TRPM6: variants seen among roughly 807,000 people sequenced by gnomAD.
The protein encoded by TRPM6 is transient receptor potential cation channel subfamily M member 6, also known as channel kinase 2.
Under a neutral mutation model 247.6 loss-of-function variants are expected in TRPM6, and 111 were observed. The ratio of observed to expected loss-of-function variants is 0.45; its 90% CI spans 0.38 to 0.52. The LOEUF (loss-of-function observed/expected upper bound fraction) is 0.52. Ranked by LOEUF, TRPM6 falls within the 20% of genes least tolerant of loss-of-function variation. TRPM6 has a pLI of 0.00. For synonymous variants in TRPM6, 892 were observed against 853.8 expected, an observed-to-expected ratio of 1.04 and a Z score of -0.78; for missense variants, 2,126 against 2,421.5, an observed-to-expected ratio of 0.88 and a Z score of 2.56.
chr9:74,778,498 G>A (rs189648387), intron 23 of TRPM6, among the ~76,000 whole-genome samples: 84 of 152,336 alleles, frequency 5.5e-4, no homozygotes, highest in Non-Finnish European at 1.0e-3. Context: ...ATAATAGGCA[G>A]GAGAGTTCTC....
chr9:74,724,043 T>G lies in TRPM6; in HGVS notation c.*570A>C, dbSNP rs1242054773. ...ACCCATCGAGATTTCACCAGTATAC[T>G]TGGTAGTTTGTGCAGGAATGTGCTC... On this transcript the variant is annotated 3_prime_UTR_variant, in exon 39 of 39. Coordinates refer to ENST00000360774, the MANE Select transcript of TRPM6 (RefSeq NM_017662.5). 2 of 154,260 alleles carry G rather than the reference T, an allele frequency of 1.3e-5. No homozygotes were observed. The highest frequency in any genetic ancestry group is 1.3e-4 in the Admixed American group (2 of 15,690). The allele number at this position is 154,260 out of a possible 1,614,324, so 9.6% of individuals were successfully genotyped here. A position where few individuals can be genotyped will look rare whatever the true frequency, so the allele number is the denominator to read the frequency against.
At chr9:74,737,795 C>T (rs1335381068) in intron 36 of TRPM6, among the ~76,000 whole-genome samples, 1 of 152,186 alleles carries the variant, frequency 6.6e-6, no homozygotes, top group East Asian at 1.9e-4. Context: ...ACGTTGACCT[C>T]AATACATATT....
chr9:74,885,904 A>C (rs1287370777), intron 1 of TRPM6, among the ~76,000 whole-genome samples: 1 of 152,170 alleles, frequency 6.6e-6, no homozygotes, highest in African/African-American at 2.4e-5. Flanking sequence ...ACTCTGTCTC[A>C]AAAAAATAAA....
chr9:74,885,573 A>G (rs1158918423), intron 1 of TRPM6, among the ~76,000 whole-genome samples: 1 of 152,262 alleles, frequency 6.6e-6, no homozygotes, highest in Non-Finnish European at 1.5e-5. Context: ...AAAAGGCACT[A>G]GTGAGACTCA....
At chr9:74,807,579 C>G (rs1177896991) in intron 14 of TRPM6, among the ~76,000 whole-genome samples, 1 of 152,178 alleles carries the variant, frequency 6.6e-6, no homozygotes, top group Non-Finnish European at 1.5e-5. Flanking sequence ...ATTCTACACG[C>G]ATCTTTCAAT....
intron 25 of TRPM6, among the ~76,000 whole-genome samples, chr9:74,765,375 AATAGTATC>A (rs949366278): frequency 6.6e-6 from 1 of 151,964 alleles, no homozygotes; most frequent in African/African-American, 2.4e-5. Flanking sequence ...CAGGATACAA[AATAGTATC>A]ATTTTAACTG....
intron 5 of TRPM6, among the ~76,000 whole-genome samples, chr9:74,839,040 G>C (rs1231003812): frequency 6.6e-6 from 1 of 151,486 alleles, no homozygotes; most frequent in African/African-American, 2.4e-5. Context: ...AACCTGGGAG[G>C]CGGAGATCGC....
intron 38 of TRPM6, among the ~76,000 whole-genome samples, chr9:74,726,794 G>A (rs1052720927): frequency 6.6e-6 from 1 of 152,164 alleles, no homozygotes; most frequent in African/African-American, 2.4e-5. Flanking sequence ...GACTCTGATC[G>A]TTGTCAGCTC....
chr9:74,751,788 C>A (rs1265318560), intron 29 of TRPM6, among the ~76,000 whole-genome samples: 2 of 152,144 alleles, frequency 1.3e-5, no homozygotes, highest in Non-Finnish European at 2.9e-5. Context: ...CTTGACTGAT[C>A]GCACTAGTGA....
At position 74,816,895 on chromosome 9, in the gene TRPM6, T is replaced by TAA. The variant is rs1382329894; in HGVS notation, c.1203_1204insTT (p.Lys402LeufsTer12). 1 of 1,614,124 alleles carries TAA rather than the reference T, an allele frequency of 6.2e-7. No individual in the cohort carries two copies. Among genetic ancestry groups the TAA allele is most frequent in the South Asian group, 1.1e-5 (1 of 91,072 alleles). ...GCAACCCCATCCAGATACTCACCCT[T>TAA]CAGCAAAGCTGTTAGGATTGCTAAG... On this transcript the variant is annotated frameshift_variant, in exon 10 of 39. Coordinates refer to ENST00000360774, the MANE Select transcript of TRPM6 (RefSeq NM_017662.5). LOFTEE classifies it high-confidence loss of function.
chr9:74,867,148 A>G (rs1190212650), intron 1 of TRPM6, among the ~76,000 whole-genome samples: 1 of 152,216 alleles, frequency 6.6e-6, no homozygotes, highest in African/African-American at 2.4e-5. Context: ...TCTGCCTCAC[A>G]GAGACATGTA....
At chr9:74,827,227 C>T (rs192626209) in intron 7 of TRPM6, 21 of 152,850 alleles carry the variant, frequency 1.4e-4, no homozygotes, top group African/African-American at 3.9e-4. Context: ...CTCTCTCCCT[C>T]CATCTATCCA....
intron 11 of TRPM6, among the ~76,000 whole-genome samples, chr9:74,813,659 CAA>C (rs1017783368): frequency 5.9e-5 from 9 of 152,094 alleles, no homozygotes; most frequent in African/African-American, 2.2e-4. Context: ...TCGGAATTTC[CAA>C]AGAGTTTTTT....
At chr9:74,742,013 G>A (rs549061340) in intron 33 of TRPM6, among the ~76,000 whole-genome samples, 63 of 152,190 alleles carry the variant, frequency 4.1e-4, no homozygotes, top group Non-Finnish European at 8.2e-4. Context: ...TTGCTATATT[G>A]TCAACTTGCT....
intron 1 of TRPM6, among the ~76,000 whole-genome samples, chr9:74,863,051 T>G (rs1337600447): frequency 6.6e-6 from 1 of 152,004 alleles, no homozygotes; most frequent in Non-Finnish European, 1.5e-5. Context: ...TTGTTTGGTT[T>G]TGTTTTGTTT....
intron 30 of TRPM6, 93 bp downstream of exon 30, chr9:74,750,571 C>T: frequency 1.8e-6 from 2 of 1,087,784 alleles, no homozygotes; most frequent in Non-Finnish European, 2.8e-6. Context: ...CTTCTTTTCT[C>T]TCCCTTTCTG....
intron 30 of TRPM6, 120 bp downstream of exon 30, chr9:74,750,544 T>C: frequency 2.2e-6 from 2 of 904,202 alleles, no homozygotes; most frequent in South Asian, 2.7e-5. Flanking sequence ...GAGAAAAGTA[T>C]TGTCATTTGA....
intron 31 of TRPM6, among the ~76,000 whole-genome samples, chr9:74,747,573 T>G (rs1000487549): frequency 1.3e-5 from 2 of 152,110 alleles, no homozygotes; most frequent in Admixed American, 6.5e-5. Flanking sequence ...TCTTAATGAG[T>G]AATGTGTGAA....
At position 74,818,293 on chromosome 9, in the gene TRPM6, C is replaced by CTTTTTTTT. The variant is rs1161401022; in HGVS notation, c.1135-1337_1135-1330dup. On this transcript the variant is annotated intron_variant, in intron 9 of 38. Coordinates refer to ENST00000360774, the MANE Select transcript of TRPM6 (RefSeq NM_017662.5). ...AACTCACGTTTCAGATCTATCATTT[C>CTTTTTTTT]TTTTTTTTTTTTTTTTTTTTTTTTT... is the stretch of plus-strand genomic sequence containing the variant. 7.5e-4 allele frequency among the ~76,000 whole-genome samples: 54 copies of CTTTTTTTT among 72,022 alleles called. 5 individuals carry two copies. Among genetic ancestry groups the CTTTTTTTT allele is most frequent in the African/African-American group, 2.0e-3 (33 of 16,320 alleles). The allele number at this position is 72,022 out of a possible 152,430, so 47.2% of individuals were successfully genotyped here. A position where few individuals can be genotyped will look rare whatever the true frequency, so the allele number is the denominator to read the frequency against.
Sources: gnomAD v4.1 joint callset for allele counts (sites outside exome capture counted in the v4.1 genomes callset) on GRCh38, gnomAD v4.1.1 for gene constraint, MANE v1.5 for transcripts, NCBI Gene and HGNC (gene_info 2026-07-23, HGNC 2026-07-21) for gene names.